Variants in PARD6G observed in about 807,000 individuals in gnomAD.
PARD6G encodes the protein partitioning defective 6 homolog gamma.
A neutral mutation model predicts 10.7 loss-of-function variants in PARD6G; 7 were observed. The ratio of observed to expected loss-of-function variants is 0.66; its 90% CI spans 0.37 to 1.23. PARD6G has a LOEUF of 1.23. Ranked by LOEUF, PARD6G falls within the 50% of genes most tolerant of loss-of-function variation. PARD6G has a pLI of 0.02. For missense variants in PARD6G, 548 were observed against 571.8 expected, an observed-to-expected ratio of 0.96 and a Z score of 0.42; for synonymous variants, 287 against 269.4, an observed-to-expected ratio of 1.07 and a Z score of -0.64.
chr18:80,204,978 T>C (rs908201498), intron 1 of PARD6G, among the ~76,000 whole-genome samples: 4 of 151,770 alleles, frequency 2.6e-5, no homozygotes, highest in African/African-American at 9.7e-5. Flanking sequence ...ATAACAATAG[T>C]TTGGGAAAAG....
In PARD6G at chr18:80,199,526, T is replaced by C. The variant is rs1966989907; in HGVS notation, c.295+3184A>G. 7.2e-5 allele frequency among the ~76,000 whole-genome samples: 11 copies of C among 152,386 alleles called. No individual in the cohort carries two copies. In the South Asian group the frequency reaches 2.3e-3, roughly 32 times the overall value. On this transcript the variant is annotated intron_variant, in intron 2 of 2. Coordinates refer to ENST00000353265, the MANE Select transcript of PARD6G (RefSeq NM_032510.4). ...CTTTTTGTGTGGGTGCATTTTTCCA[T>C]GTGCTAGTATTTTGCTGAAGGGTTT...
chr18:80,241,406 C>T (rs186451415), intron 1 of PARD6G, among the ~76,000 whole-genome samples: 4 of 152,248 alleles, frequency 2.6e-5, no homozygotes, highest in East Asian at 1.9e-4. Flanking sequence ...GTGTGATAAA[C>T]GAACCCACGT....
intron 2 of PARD6G, among the ~76,000 whole-genome samples, chr18:80,194,738 G>A (rs1966934785): frequency 6.6e-6 from 1 of 152,140 alleles, no homozygotes; most frequent in South Asian, 2.1e-4. Flanking sequence ...TGGTAACAGA[G>A]GTGAATTTTA....
rs991616824 is a variant in PARD6G at position 80,188,370 on chromosome 18, C to T, written c.295+14340G>A. On this transcript the variant is annotated intron_variant, in intron 2 of 2. Coordinates refer to ENST00000353265, the MANE Select transcript of PARD6G (RefSeq NM_032510.4). The surrounding 1 kb of genome is among the most constrained non-coding windows in gnomAD (Gnocchi z 5.4). Reference sequence around the variant, plus strand: ...GAGACTTGGATTCCAGTGCTGGTGTCTCTTCCAACAAGAATACTTTCTTGA... The same window carrying T: ...GAGACTTGGATTCCAGTGCTGGTGTTTCTTCCAACAAGAATACTTTCTTGA... Among the ~76,000 whole-genome samples, 1 of 152,168 alleles carries T rather than the reference C, an allele frequency of 6.6e-6. No individual in the cohort carries two copies. Among genetic ancestry groups the T allele is most frequent in the East Asian group, 1.9e-4 (1 of 5,196 alleles).
Position 80,160,545 on chromosome 18 carries a change from G to T in PARD6G, c.357C>A (p.Gly119=). The part of the protein sequence containing the change: ...GSLCRRRRAL[G]ALRDEGPRRR... ...GCCGGGGTCCTTCATCACGCAGCGC[G>T]CCCAGCGCCCGCCTCCGCCTGCACA... Residue 119 remains glycine (G), a synonymous_variant, in exon 3 of 3, where the codon GGC becomes GGA. Transcript: ENST00000353265. The T allele has an allele frequency of 6.7e-7, 1 of 1,491,956 alleles. No homozygotes were observed. Among genetic ancestry groups the T allele is most frequent in the Non-Finnish European group, 8.9e-7 (1 of 1,123,316 alleles). The allele number at this position is 1,491,956 out of a possible 1,614,324, so 92.4% of individuals were successfully genotyped here. A position where few individuals can be genotyped will look rare whatever the true frequency, so the allele number is the denominator to read the frequency against.
chr18:80,212,557 G>C (rs952083400), intron 1 of PARD6G, among the ~76,000 whole-genome samples: 1 of 152,204 alleles, frequency 6.6e-6, no homozygotes, highest in Non-Finnish European at 1.5e-5. Flanking sequence ...TACAACCGCT[G>C]TCAGTCACTG....
intron 2 of PARD6G, among the ~76,000 whole-genome samples, chr18:80,190,722 C>T (rs955431536): frequency 3.3e-5 from 5 of 152,148 alleles, no homozygotes; most frequent in Non-Finnish European, 5.9e-5. Flanking sequence ...GAGTGGAGGG[C>T]AGGCGGGCAG....
intron 2 of PARD6G, 54 bp downstream of exon 2, chr18:80,202,656 A>C: frequency 6.6e-7 from 1 of 1,512,292 alleles, no homozygotes; most frequent in Non-Finnish European, 9.2e-7. Context: ...TGAAAACTGT[A>C]TTTTAAAAAT....
chr18:80,191,425 G>C (rs774148536), intron 2 of PARD6G, among the ~76,000 whole-genome samples: 11 of 152,158 alleles, frequency 7.2e-5, no homozygotes, highest in Admixed American at 3.9e-4. Flanking sequence ...ACGCCACTCA[G>C]ATTGGGATGG....
In PARD6G at chr18:80,188,459, C is replaced by T. The variant is rs989053884; in HGVS notation, c.295+14251G>A. On this transcript the variant is annotated intron_variant, in intron 2 of 2. Transcript: ENST00000353265. The surrounding 1 kb of genome is among the most constrained non-coding windows in gnomAD (Gnocchi z 5.4). ...CATGGTGCCTTCCACCTGCAATTCCCGTCCTGGGCAGCAGAAGTTGCCCTG... is the reference window on the plus strand; with the variant it reads ...CATGGTGCCTTCCACCTGCAATTCCTGTCCTGGGCAGCAGAAGTTGCCCTG... Among the ~76,000 whole-genome samples the T allele has an allele frequency of 6.6e-6, 1 of 152,174 alleles. No homozygotes were observed. Among genetic ancestry groups the T allele is most frequent in the Non-Finnish European group, 1.5e-5 (1 of 68,034 alleles).
In PARD6G at chr18:80,159,878, C is replaced by T. The variant is rs1176436540; in HGVS notation, c.1024G>A (p.Asp342Asn). ...AQRLQRDLALDGGLQRLLSSL... is the reference protein window; with the variant it reads ...AQRLQRDLALNGGLQRLLSSL... ...CTGAGCAGCCGCTGGAGGCCGCCGT[C>T]CAGGGCCAGGTCCCGCTGCAGCCGC... is the stretch of plus-strand genomic sequence containing the variant. The change falls in exon 3 of 3, where the codon GAC (aspartate) becomes AAC (asparagine). Residue 342 changes from aspartate (D) to asparagine (N), a missense_variant. Physicochemically the swap from Asp to Asn is conservative, Grantham distance 23. This residue lies in a region of PARD6G where 313 missense variants were observed against 279.9 expected (regional missense o/e 1.12). Transcript: ENST00000353265. The T allele has an allele frequency of 6.6e-7, 1 of 1,514,382 alleles. No homozygotes were observed. The highest frequency in any genetic ancestry group is 8.8e-7 in the Non-Finnish European group (1 of 1,137,102). The allele number at this position is 1,514,382 out of a possible 1,614,324, so 93.8% of individuals were successfully genotyped here.
chr18:80,186,548 TCA>T (rs1373220995), intron 2 of PARD6G, among the ~76,000 whole-genome samples: 12 of 150,796 alleles, frequency 8.0e-5, no homozygotes, highest in African/African-American at 2.2e-4. Context: ...GCGCACACCC[TCA>T]CACACATGCA....
At chr18:80,193,546 A>G (rs574453420) in intron 2 of PARD6G, among the ~76,000 whole-genome samples, 2 of 152,260 alleles carry the variant, frequency 1.3e-5, no homozygotes, top group Non-Finnish European at 2.9e-5. Context: ...AGATTAAAAC[A>G]TTCTGGAGAC....
At position 80,231,788 on chromosome 18, in the gene PARD6G, G is replaced by A. The variant is rs1319697329; in HGVS notation, c.72+15489C>T. ...CTGTTTGTTCTCCCCCAGGCCTAGA[G>A]ACGGGTTCGGCATCTCACAGGCATC... On this transcript the variant is annotated intron_variant, in intron 1 of 2. Coordinates refer to ENST00000353265, the MANE Select transcript of PARD6G (RefSeq NM_032510.4). This position sits in a 1 kb window ranked among gnomAD's most constrained non-coding sequence, Gnocchi z 4.2. Among the ~76,000 whole-genome samples, 2 of 152,110 alleles carry A rather than the reference G, an allele frequency of 1.3e-5. No individual in the cohort carries two copies. Among genetic ancestry groups the A allele is most frequent in the Middle Eastern group, 3.2e-3 (1 of 314 alleles).
chr18:80,183,124 A>C lies in PARD6G; in HGVS notation c.295+19586T>G. The C allele has an allele frequency of 1.4e-6, 1 of 703,010 alleles. No individual in the cohort carries two copies. The highest frequency in any genetic ancestry group is 2.6e-6 in the Non-Finnish European group (1 of 385,006). The allele number at this position is 703,010 out of a possible 1,614,324, so 43.5% of individuals were successfully genotyped here. A position where few individuals can be genotyped will look rare whatever the true frequency, so the allele number is the denominator to read the frequency against. ...AAACCAAGATTTGAGCTGAAGAGTC[A>C]GGTTCCTGGTCGCAGGGCTCCGTCA... On this transcript the variant is annotated intron_variant, in intron 2 of 2. Coordinates refer to ENST00000353265, the MANE Select transcript of PARD6G (RefSeq NM_032510.4). The surrounding 1 kb of genome is among the most constrained non-coding windows in gnomAD (Gnocchi z 4.5).
rs1440032201 is a variant in PARD6G at position 80,180,662 on chromosome 18, C to T, written c.296-20056G>A. 6.6e-6 allele frequency among the ~76,000 whole-genome samples: 1 copy of T among 152,176 alleles called. No homozygotes were observed. The highest frequency in any genetic ancestry group is 6.5e-5 in the Admixed American group (1 of 15,284). On this transcript the variant is annotated intron_variant, in intron 2 of 2. Coordinates refer to ENST00000353265, the MANE Select transcript of PARD6G (RefSeq NM_032510.4). The surrounding 1 kb of genome is among the most constrained non-coding windows in gnomAD (Gnocchi z 5.6). ...CCCTGGAGGAAGTGAGCCTGACCCCCAGTTCCTGCCAGTGAGCTTGGCAGA... is the reference window on the plus strand; with the variant it reads ...CCCTGGAGGAAGTGAGCCTGACCCCTAGTTCCTGCCAGTGAGCTTGGCAGA...
In PARD6G at chr18:80,200,774, T is replaced by C. The variant is rs1967000632; in HGVS notation, c.295+1936A>G. Among the ~76,000 whole-genome samples, 1 of 152,158 alleles carries C rather than the reference T, an allele frequency of 6.6e-6. No homozygotes were observed. The highest frequency in any genetic ancestry group is 1.5e-5 in the Non-Finnish European group (1 of 68,034). ...GAAAGAGGCAGAGTGTCCGAGCTGC[T>C]GCTGGAGGTTAGCACGTTCCCATGG... On this transcript the variant is annotated intron_variant, in intron 2 of 2. Coordinates refer to ENST00000353265, the MANE Select transcript of PARD6G (RefSeq NM_032510.4). This position sits in a 1 kb window ranked among gnomAD's most constrained non-coding sequence, Gnocchi z 4.4.
At chr18:80,195,183 A>G (rs547473806) in intron 2 of PARD6G, among the ~76,000 whole-genome samples, 2 of 152,292 alleles carry the variant, frequency 1.3e-5, no homozygotes, top group Admixed American at 1.3e-4. Context: ...CTCTGACATG[A>G]CAGAAACAAT....
At chr18:80,233,081 T>A (rs1967378530) in intron 1 of PARD6G, among the ~76,000 whole-genome samples, 1 of 152,144 alleles carries the variant, frequency 6.6e-6, no homozygotes, top group South Asian at 2.1e-4. Flanking sequence ...CAGCTGCTCA[T>A]CTCCTGAGGA....
Sources: gnomAD v4.1 joint callset for allele counts (sites outside exome capture counted in the v4.1 genomes callset) on GRCh38, gnomAD v4.1.1 for gene constraint, gnomAD v4.1.1 regional missense constraint, Gnocchi (gnomAD v3.1) non-coding constraint, MANE v1.5 for transcripts, NCBI Gene and HGNC (gene_info 2026-07-23, HGNC 2026-07-21) for gene names.